CAMK2B: variants seen among roughly 807,000 people sequenced by gnomAD.
CAMK2B encodes calcium/calmodulin-dependent protein kinase type II subunit beta.
CAMK2B carries 27 observed loss-of-function variants against 93.7 expected under a neutral mutation model. The ratio of observed to expected loss-of-function variants is 0.29; its 90% confidence interval spans 0.21 to 0.40. The LOEUF (loss-of-function observed/expected upper bound fraction) is 0.40, where lower values mean the gene tolerates loss of function less well. Among genes scored for constraint, CAMK2B ranks in the 10% least tolerant of loss-of-function variants. The pLI is 1.00. For synonymous variants in CAMK2B, 374 were observed against 358.8 expected, an observed-to-expected ratio of 1.04 and a Z score of -0.48; for missense variants, 568 against 895.8, an observed-to-expected ratio of 0.63 and a Z score of 4.67.
At position 44,271,120 on chromosome 7, in the gene CAMK2B, T is replaced by C. The variant is rs1562969429; in HGVS notation, c.161-8056A>G. 6.6e-6 allele frequency among the ~76,000 whole-genome samples: 1 copy of C among 152,072 alleles called. No homozygotes were observed. Among genetic ancestry groups the C allele is most frequent in the Non-Finnish European group, 1.5e-5 (1 of 68,016 alleles). On this transcript the variant is annotated intron_variant, in intron 2 of 23. Transcript: ENST00000395749. The surrounding 1 kb of genome is among the most constrained non-coding windows in gnomAD (Gnocchi z 4.2). ...TTTTAGTAGAGACAGGGTTTCACCA[T>C]GTCGGCCAGGCTGGTCTTGAACTCC...
At chr7:44,290,324 G>A (rs1238899343) in intron 1 of CAMK2B, among the ~76,000 whole-genome samples, 5 of 152,264 alleles carry the variant, frequency 3.3e-5, no homozygotes, top group East Asian at 1.9e-4. Flanking sequence ...CGGGCCAGGC[G>A]CTGTCTCCCT....
At chr7:44,252,055 T>C (rs544245157) in intron 5 of CAMK2B, among the ~76,000 whole-genome samples, 103 of 151,976 alleles carry the variant, frequency 6.8e-4, no homozygotes, top group African/African-American at 2.4e-3. Flanking sequence ...TGGGTGTGTG[T>C]GGGGTGCTGT....
intron 1 of CAMK2B, among the ~76,000 whole-genome samples, chr7:44,322,557 G>C (rs1177728209): frequency 6.6e-6 from 1 of 152,210 alleles, no homozygotes; most frequent in Non-Finnish European, 1.5e-5. Flanking sequence ...GCTGGGCCAT[G>C]CCGGGCTGAG....
chr7:44,234,537 G>A (rs2096607746), intron 14 of CAMK2B, 76 bp from the exon 15 acceptor site: 3 of 1,591,136 alleles, frequency 1.9e-6, no homozygotes, highest in Middle Eastern at 1.7e-4. Flanking sequence ...TGTCTCTCAG[G>A]GCATGGGGGG....
chr7:44,257,543 G>A (rs998970809), intron 4 of CAMK2B, among the ~76,000 whole-genome samples: 1 of 152,236 alleles, frequency 6.6e-6, no homozygotes, highest in Non-Finnish European at 1.5e-5. Context: ...TCCATTTCCT[G>A]GGAAAAGAGG....
chr7:44,284,248 G>GAGAGAC lies in CAMK2B; in HGVS notation c.66-29_66-24dup, dbSNP rs757768895. On this transcript the variant is annotated intron_variant, in intron 1 of 23. Coordinates refer to ENST00000395749, the MANE Select transcript of CAMK2B (RefSeq NM_001220.5). ...CCCCTGGGGAGGAAAATGGGGGAGC[G>GAGAGAC]AGAGACAGAGACAGAGACAGACAAG... The GAGAGAC allele has an allele frequency of 3.8e-5, 57 of 1,492,868 alleles. 1 individual carries two copies. The highest frequency in any genetic ancestry group is 3.2e-4 in the South Asian group (28 of 87,788). 92.5% of individuals were successfully genotyped at this position (1,492,868 alleles called of 1,614,324 possible).
At chr7:44,282,658 A>T (rs2097111504) in intron 2 of CAMK2B, among the ~76,000 whole-genome samples, 1 of 152,208 alleles carries the variant, frequency 6.6e-6, no homozygotes, top group African/African-American at 2.4e-5. Context: ...GAATGCTCCC[A>T]AGAAGGGGAA....
chr7:44,279,778 TATA>T (rs1418272774), intron 2 of CAMK2B, among the ~76,000 whole-genome samples: 1 of 152,116 alleles, frequency 6.6e-6, no homozygotes, highest in Non-Finnish European at 1.5e-5. Flanking sequence ...ACTTTGAGAA[TATA>T]AATAGGGGTT....
chr7:44,242,176 C>G (rs746610087), intron 10 of CAMK2B, 42 bp downstream of exon 10: 1 of 1,591,890 alleles, frequency 6.3e-7, no homozygotes, highest in African/African-American at 1.3e-5. Flanking sequence ...GCCATCTCCA[C>G]CAGGAGCCCC....
rs150221609 is a variant in CAMK2B at position 44,242,335 on chromosome 7, C to A, written c.702G>T (p.Pro234=). The change falls in exon 10 of 24, where the codon CCG becomes CCT. Residue 234 remains proline (P), a synonymous_variant. Transcript: ENST00000395749. The part of the protein sequence containing the change: ...QQIKAGAYDF[P]SPEWDTVTPE... ...GAGTGACGGTGTCCCACTCAGGGGA[C>A]GGGAACTGCAGAAGGAAACAGCGCC... 6 of 1,613,098 alleles carry A rather than the reference C, an allele frequency of 3.7e-6. No homozygotes were observed. The highest frequency in any genetic ancestry group is 5.1e-6 in the Non-Finnish European group (6 of 1,179,468).
chr7:44,235,632 T>C (rs2096618232), intron 13 of CAMK2B, among the ~76,000 whole-genome samples: 2 of 152,238 alleles, frequency 1.3e-5, no homozygotes, highest in Admixed American at 1.3e-4. Context: ...GGCGCAAGAC[T>C]GCGGGCCCAG....
chr7:44,275,373 A>G (rs1161894572), intron 2 of CAMK2B, among the ~76,000 whole-genome samples: 1 of 152,166 alleles, frequency 6.6e-6, no homozygotes, highest in African/African-American at 2.4e-5. Context: ...CACCTGACAG[A>G]TGGGGCCAGC....
intron 1 of CAMK2B, among the ~76,000 whole-genome samples, chr7:44,300,201 AT>A (rs1410951716): frequency 6.6e-6 from 1 of 151,992 alleles, no homozygotes; most frequent in Non-Finnish European, 1.5e-5. Context: ...TGGCTGGCTA[AT>A]TTTTTTAATT....
chr7:44,277,185 TA>T (rs2097055240), intron 2 of CAMK2B, among the ~76,000 whole-genome samples: 1 of 152,024 alleles, frequency 6.6e-6, no homozygotes, highest in African/African-American at 2.4e-5. Flanking sequence ...GGGGTTGGGG[TA>T]GGGGGTAGAT....
At chr7:44,320,737 C>G (rs746380451) in intron 1 of CAMK2B, among the ~76,000 whole-genome samples, 1 of 152,208 alleles carries the variant, frequency 6.6e-6, no homozygotes, top group East Asian at 1.9e-4. Context: ...TTTAAACTAC[C>G]CTACATTAAG....
At chr7:44,266,600 C>A (rs374361849) in intron 2 of CAMK2B, among the ~76,000 whole-genome samples, 1 of 152,224 alleles carries the variant, frequency 6.6e-6, no homozygotes, top group Non-Finnish European at 1.5e-5. Flanking sequence ...CTGCTGAACT[C>A]AGGAGACCAG....
chr7:44,264,724 C>T (rs1261813742), intron 2 of CAMK2B, among the ~76,000 whole-genome samples: 1 of 152,254 alleles, frequency 6.6e-6, no homozygotes, highest in African/African-American at 2.4e-5. Context: ...TCCCTCCCCT[C>T]TCCCCTCCCA....
intron 18 of CAMK2B, 79 bp downstream of exon 18, chr7:44,229,309 T>C (rs2096554903): frequency 2.2e-6 from 2 of 927,858 alleles, no homozygotes; most frequent in South Asian, 1.7e-5. Flanking sequence ...CAGCCTGCCC[T>C]CGGCTCTGGA....
At chr7:44,283,184 A>T (rs1400381067) in intron 2 of CAMK2B, among the ~76,000 whole-genome samples, 1 of 152,174 alleles carries the variant, frequency 6.6e-6, no homozygotes, top group Non-Finnish European at 1.5e-5. Flanking sequence ...ACCTCCTCAG[A>T]TCTGTGCTCC....
Sources: gnomAD v4.1 joint callset for allele counts (sites outside exome capture counted in the v4.1 genomes callset) on GRCh38, gnomAD v4.1.1 for gene constraint, Gnocchi (gnomAD v3.1) non-coding constraint, MANE v1.5 for transcripts, NCBI Gene and HGNC (gene_info 2026-07-23, HGNC 2026-07-21) for gene names.